The following ACO2 variants were observed in gnomAD, a reference collection of about 807,000 sequenced individuals.
ACO2 encodes the protein aconitate hydratase, mitochondrial.
A neutral mutation model predicts 84.5 loss-of-function variants in ACO2; 31 were observed. That is an observed-to-expected ratio of 0.37 (90% CI 0.28 to 0.50). The LOEUF (loss-of-function observed/expected upper bound fraction) is 0.50, where lower values mean the gene tolerates loss of function less well. Ranked by LOEUF, ACO2 falls within the 20% of genes least tolerant of loss-of-function variation. The pLI, the probability that ACO2 is intolerant of heterozygous loss-of-function variation, is 0.97. For synonymous variants in ACO2, 414 were observed against 412.7 expected, an observed-to-expected ratio of 1.00 and a Z score of -0.04; for missense variants, 685 against 1,029.3, an observed-to-expected ratio of 0.67 and a Z score of 4.58.
At chr22:41,500,531 C>A (rs999808960) in intron 2 of ACO2, among the ~76,000 whole-genome samples, 2 of 151,442 alleles carry the variant, frequency 1.3e-5, no homozygotes, top group African/African-American at 4.9e-5. Flanking sequence ...ATTACAGGCA[C>A]CTGCCACCAC....
rs534268279 is a variant in ACO2, at chr22:41,491,312, T to C, written c.37-8414T>C. Reference sequence around the variant, plus strand: ...ATGAGATCCCACTGCCAGGGGCCCATGAGCAGAAGGGGTTTGAGAGGGATG... The same window carrying C: ...ATGAGATCCCACTGCCAGGGGCCCACGAGCAGAAGGGGTTTGAGAGGGATG... On this transcript the variant is annotated intron_variant, in intron 1 of 17. Coordinates refer to ENST00000216254, the MANE Select transcript of ACO2 (RefSeq NM_001098.3). Among the ~76,000 whole-genome samples the C allele has an allele frequency of 7.2e-5, 11 of 152,242 alleles. 1 individual carries two copies. In the South Asian group the frequency reaches 2.3e-3, roughly 32 times the overall value.
intron 4 of ACO2, among the ~76,000 whole-genome samples, chr22:41,513,933 G>A (rs1303035222): frequency 6.6e-6 from 1 of 151,690 alleles, no homozygotes; most frequent in Non-Finnish European, 1.5e-5. Context: ...TGGACCACAA[G>A]TGTCTACACC....
At chr22:41,469,229 C>T (rs748618817) in intron 1 of ACO2, 47 bp downstream of exon 1, 99 of 1,588,314 alleles carry the variant, frequency 6.2e-5, no homozygotes, top group Non-Finnish European at 7.9e-5. Context: ...GGGGTGCCTC[C>T]TACTGTGCCG....
chr22:41,493,532 C>G (rs2066289749), intron 1 of ACO2, among the ~76,000 whole-genome samples: 2 of 152,156 alleles, frequency 1.3e-5, no homozygotes, highest in African/African-American at 2.4e-5. Flanking sequence ...GTCTAGCTGT[C>G]TTTTACTTTT....
chr22:41,516,116 G>A (rs1027444243), intron 6 of ACO2, 199 bp downstream of exon 6: 20 of 713,516 alleles, frequency 2.8e-5, no homozygotes, highest in Middle Eastern at 3.4e-4. Context: ...AACAGATGAA[G>A]AGATTGAGAT....
intron 4 of ACO2, among the ~76,000 whole-genome samples, chr22:41,512,547 C>T (rs898412772): frequency 1.6e-4 from 25 of 152,234 alleles, no homozygotes; most frequent in African/African-American, 5.8e-4. Flanking sequence ...TGGTCTGGAG[C>T]GAGTGCCCCA....
chr22:41,474,467 G>A lies in ACO2; in HGVS notation c.36+5285G>A, dbSNP rs1465862456. On this transcript the variant is annotated intron_variant, in intron 1 of 17. Transcript: ENST00000216254. Reference sequence around the variant, plus strand: ...TGCCACCACGTCTGGCTAATTTTTTGTGTGTTTTTAGTAGAGACGGGTTTC... The same window carrying A: ...TGCCACCACGTCTGGCTAATTTTTTATGTGTTTTTAGTAGAGACGGGTTTC... Among the ~76,000 whole-genome samples the A allele has an allele frequency of 1.4e-5, 2 of 143,820 alleles. 1 individual carries two copies. Among genetic ancestry groups the A allele is most frequent in the African/African-American group, 5.3e-5 (2 of 38,036 alleles). The allele number at this position is 143,820 out of a possible 152,430, so 94.4% of individuals were successfully genotyped here.
intron 1 of ACO2, 49 bp from the exon 2 acceptor site, chr22:41,499,677 A>G: frequency 1.3e-6 from 2 of 1,586,258 alleles, no homozygotes; most frequent in South Asian, 1.1e-5. Context: ...TCGGGGATGG[A>G]CTCTCCTAAG....
intron 1 of ACO2, among the ~76,000 whole-genome samples, chr22:41,478,286 C>T (rs1028125865): frequency 6.6e-5 from 10 of 152,016 alleles, no homozygotes; most frequent in African/African-American, 2.4e-4. Context: ...CACAGGCACG[C>T]ACCACCATGC....
At chr22:41,509,325 T>C (rs2066417470) in intron 3 of ACO2, among the ~76,000 whole-genome samples, 1 of 152,172 alleles carries the variant, frequency 6.6e-6, no homozygotes, top group Non-Finnish European at 1.5e-5. Flanking sequence ...ACATTCTTTA[T>C]GTGCCAGGCA....
At chr22:41,471,346 C>T (rs1164394175) in intron 1 of ACO2, among the ~76,000 whole-genome samples, 2 of 152,184 alleles carry the variant, frequency 1.3e-5, no homozygotes, top group Non-Finnish European at 2.9e-5. Context: ...CACACTGCCT[C>T]CCAATAACCA....
intron 16 of ACO2, 122 bp downstream of exon 16, chr22:41,527,542 T>G (rs1165978133): frequency 1.5e-6 from 2 of 1,362,760 alleles, no homozygotes; most frequent in Non-Finnish European, 2.0e-6. Context: ...CACAGGCCCG[T>G]CAGCCTCTTG....
chr22:41,512,782 C>T (rs1243434627), intron 4 of ACO2, among the ~76,000 whole-genome samples: 2 of 152,164 alleles, frequency 1.3e-5, no homozygotes, highest in African/African-American at 2.4e-5. Context: ...CAAGTGTGAA[C>T]GTGTATATCC....
At chr22:41,477,218 A>G (rs1163561624) in intron 1 of ACO2, among the ~76,000 whole-genome samples, 1 of 150,616 alleles carries the variant, frequency 6.6e-6, no homozygotes, top group Non-Finnish European at 1.5e-5. Flanking sequence ...CAGTGGCGCG[A>G]TCTCCACTCA....
chr22:41,527,227 C>T, intron 15 of ACO2, 61 bp from the exon 16 acceptor site: 1 of 1,612,664 alleles, frequency 6.2e-7, no homozygotes, highest in Non-Finnish European at 8.5e-7. Context: ...GCAGGTAGGG[C>T]CAGACAGGTG....
Position 41,484,046 on chromosome 22 carries a change from G to C in ACO2, c.36+14864G>C, listed in dbSNP as rs112293495. ...GAGTTTGAGAATGAATTTGTGATAA[G>C]TACACCAAGTGTTGAAGTTTGTTGT... On this transcript the variant is annotated intron_variant, in intron 1 of 17. Transcript: ENST00000216254. Among the ~76,000 whole-genome samples, 320 of 152,284 alleles carry C rather than the reference G, an allele frequency of 2.1e-3. 1 individual carries two copies. The highest frequency in any genetic ancestry group is 6.8e-3 in the Middle Eastern group (2 of 294).
At chr22:41,493,717 G>A (rs1483648542) in intron 1 of ACO2, among the ~76,000 whole-genome samples, 4 of 151,942 alleles carry the variant, frequency 2.6e-5, no homozygotes, top group Non-Finnish European at 5.9e-5. Context: ...CGAGATGTGA[G>A]GATCTCTTGA....
At chr22:41,514,552 A>G (rs1463314896) in intron 4 of ACO2, among the ~76,000 whole-genome samples, 1 of 152,220 alleles carries the variant, frequency 6.6e-6, no homozygotes, top group Non-Finnish European at 1.5e-5. Context: ...CGCCTGGCTC[A>G]GGGCTTGCCA....
intron 2 of ACO2, among the ~76,000 whole-genome samples, chr22:41,502,868 C>G (rs193177321): frequency 3.8e-4 from 58 of 152,232 alleles, no homozygotes; most frequent in Non-Finnish European, 7.5e-4. Flanking sequence ...TCTCAGCCTC[C>G]CAAAGTGCTG....
Sources: allele counts gnomAD v4.1 joint callset (sites outside exome capture counted in the v4.1 genomes callset), GRCh38; gene constraint gnomAD v4.1.1; transcripts MANE v1.5; gene names NCBI Gene and HGNC (gene_info 2026-07-23, HGNC 2026-07-21).